TK2: variants seen among roughly 807,000 people sequenced by gnomAD.
TK2 encodes thymidine kinase 2, mitochondrial.
A neutral mutation model predicts 41.9 loss-of-function variants in TK2; 35 were observed. That is an observed-to-expected ratio of 0.84 (90% CI 0.64 to 1.11). The LOEUF (loss-of-function observed/expected upper bound fraction) is 1.11, where lower values mean the gene tolerates loss of function less well. Among genes scored for constraint, TK2 ranks in the 50% least tolerant of loss-of-function variants. The pLI, the probability that TK2 is intolerant of heterozygous loss-of-function variation, is 0.00. For synonymous variants in TK2, 128 were observed against 129.1 expected (o/e 0.99, Z 0.06); for missense variants, 320 against 351.1 (o/e 0.91, Z 0.71).
In TK2 at chr16:66,550,027, C is replaced by G; in HGVS notation, c.35G>C (p.Arg12Pro). 1.3e-6 allele frequency: 2 copies of G among 1,550,492 alleles called. 1 individual carries two copies. Among genetic ancestry groups the G allele is most frequent in the South Asian group, 2.4e-5 (2 of 84,304 alleles). Residue 12 changes from arginine (R) to proline (P), a missense_variant, in exon 1 of 10, where the codon CGG becomes CCG. Arg to Pro is a moderately radical substitution (Grantham distance 103). Transcript: ENST00000544898. ...TCCCGGCCCAAAGCAGCGCAGCGCC[C>G]GGGCGGCCCAGCCCCGCAGCGGCCA... is the stretch of plus-strand genomic sequence containing the variant. ...LLWPLRGWAA[R>P]ALRCFGPGSR... is the part of the protein sequence containing the mutation.
rs780531104 is a variant in TK2 at position 66,509,569 on chromosome 16, C to A, written c.*2399G>T. The A allele has an allele frequency of 6.6e-6, 1 of 152,212 alleles. No individual in the cohort carries two copies. Among genetic ancestry groups the A allele is most frequent in the Non-Finnish European group, 1.5e-5 (1 of 68,040 alleles). 9.4% of individuals were successfully genotyped at this position (152,212 alleles called of 1,614,324 possible). ...AAAAAGTCAGCGAGAGGTAGAGCAG[C>A]TGAGCAGCTCTGCGGTGTACTGACT... On this transcript the variant is annotated 3_prime_UTR_variant, in exon 10 of 10. Coordinates refer to ENST00000544898, the MANE Select transcript of TK2 (RefSeq NM_004614.5).
rs745375998 is a variant in TK2 at position 66,513,791 on chromosome 16, G to GT, written c.638dup (p.His213GlnfsTer5). The stretch of plus-strand genomic sequence containing the variant: ...TGATGAGCCACTCCTCATGGAGATG[G>GT]TGAATTGCTTCCAGGTATTCCTGCC... On this transcript the variant is annotated frameshift_variant, in exon 9 of 10. Transcript: ENST00000544898. LOFTEE classifies it high-confidence loss of function. 1.2e-6 allele frequency: 2 copies of GT among 1,614,020 alleles called. No individual in the cohort carries two copies. Among genetic ancestry groups the GT allele is most frequent in the Non-Finnish European group, 1.7e-6 (2 of 1,180,012 alleles).
chr16:66,528,987 A>G lies in TK2; in HGVS notation c.449+7T>C, dbSNP rs748769641. The G allele has an allele frequency of 6.2e-7, 1 of 1,613,556 alleles. No individual in the cohort carries two copies. The highest frequency in any genetic ancestry group is 2.2e-5 in the East Asian group (1 of 44,880). ...TAATAAATTATCAACTATTCAAACT[A>G]CAGTACCTTCTATACAGGTTTTCTA... On this transcript the variant is annotated splice_region_variant and intron_variant, in intron 6 of 9. Transcript: ENST00000544898.
At position 66,548,833 on chromosome 16, in the gene TK2, G is replaced by A. The variant is rs547279630; in HGVS notation, c.156+145C>T. 3.2e-5 allele frequency: 25 copies of A among 783,906 alleles called. No individual in the cohort carries two copies. The Admixed American group carries it at 5.2e-4, about 16-fold the overall frequency. 48.6% of individuals were successfully genotyped at this position (783,906 alleles called of 1,614,324 possible). A position where few individuals can be genotyped will look rare whatever the true frequency, so the allele number is the denominator to read the frequency against. On this transcript the variant is annotated intron_variant, in intron 2 of 9. Transcript: ENST00000544898. ...GTAACAGAGGTGGCCTTCTAGGAGGGTGACAGACTTCCTTCTCCCTGGAGA... is the reference window on the plus strand; with the variant it reads ...GTAACAGAGGTGGCCTTCTAGGAGGATGACAGACTTCCTTCTCCCTGGAGA...
intron 1 of TK2, chr16:66,549,368 G>T: frequency 8.8e-7 from 1 of 1,135,638 alleles, no homozygotes; most frequent in Non-Finnish European, 1.1e-6. Context: ...GGCGGACGTG[G>T]TTTTGGGCCT....
rs756027799 is a variant in TK2, at chr16:66,529,082, A to C, written c.376-15T>G. 2.5e-6 allele frequency: 4 copies of C among 1,613,278 alleles called. No individual in the cohort carries two copies. In the African/African-American group the frequency reaches 5.3e-5, roughly 21 times the overall value. On this transcript the variant is annotated splice_polypyrimidine_tract_variant and intron_variant, in intron 5 of 9. Coordinates refer to ENST00000544898, the MANE Select transcript of TK2 (RefSeq NM_004614.5). The stretch of plus-strand genomic sequence containing the variant: ...ACAGATGACACCTAAAGGAAAACAA[A>C]AAGAGAATCACTAACTCAGGGGAAA...
chr16:66,546,616 T>C (rs1379602038), intron 2 of TK2: 4 of 151,914 alleles, frequency 2.6e-5, no homozygotes, highest in East Asian at 4.0e-4. Flanking sequence ...GTTGGTTTTG[T>C]TATTTTTTTT....
chr16:66,533,746 G>A lies in TK2; in HGVS notation c.286-2277C>T, dbSNP rs193195144. ...GGATCGGCCGGGCATGGTGGCTCAC[G>A]TCTGTAATCCCAGCACTCTGGGAGG... On this transcript the variant is annotated intron_variant, in intron 4 of 9. Coordinates refer to ENST00000544898, the MANE Select transcript of TK2 (RefSeq NM_004614.5). Among the ~76,000 whole-genome samples the A allele has an allele frequency of 9.7e-4, 147 of 152,178 alleles. 2 individuals carry two copies. Among genetic ancestry groups the A allele is most frequent in the Admixed American group, 9.2e-4 (14 of 15,276 alleles).
Position 66,517,759 on chromosome 16 carries a change from A to T in TK2, c.538+30T>A, listed in dbSNP as rs1172001463. The T allele has an allele frequency of 6.2e-7, 1 of 1,604,860 alleles. No individual in the cohort carries two copies. The highest frequency in any genetic ancestry group is 1.1e-5 in the South Asian group (1 of 90,892). On this transcript the variant is annotated intron_variant, in intron 7 of 9. Transcript: ENST00000544898. The surrounding 1 kb of genome is among the most constrained non-coding windows in gnomAD (Gnocchi z 4.3). The stretch of plus-strand genomic sequence containing the variant: ...CCTCAAGGGACCCAGGAGAGAGACA[A>T]GAGAGGGAGGTGGGAGGGGTGCATC...
At chr16:66,530,897 T>C (rs1965090076) in intron 5 of TK2, among the ~76,000 whole-genome samples, 1 of 151,866 alleles carries the variant, frequency 6.6e-6, no homozygotes, top group Admixed American at 6.6e-5. Flanking sequence ...AATTTTTGTA[T>C]TTTTTAGTAG....
chr16:66,511,957 C>T lies in TK2; in HGVS notation c.*11G>A, dbSNP rs1434049865. ...GCATTTTTCAGACATGAGCCATAGA[C>T]CTTTTGCCTCCTATGGGCAATGCTT... On this transcript the variant is annotated 3_prime_UTR_variant, in exon 10 of 10. Coordinates refer to ENST00000544898, the MANE Select transcript of TK2 (RefSeq NM_004614.5). 2.5e-6 allele frequency: 4 copies of T among 1,612,902 alleles called. No individual in the cohort carries two copies. Among genetic ancestry groups the T allele is most frequent in the Non-Finnish European group, 1.7e-6 (2 of 1,178,848 alleles).
intron 8 of TK2, among the ~76,000 whole-genome samples, chr16:66,515,675 C>T (rs1964591249): frequency 6.6e-6 from 1 of 152,222 alleles, no homozygotes. Flanking sequence ...TTGGACGGCC[C>T]CCAGGCTTGG....
At position 66,531,941 on chromosome 16, in the gene TK2, A is replaced by C. The variant is rs140955217; in HGVS notation, c.286-472T>G. On this transcript the variant is annotated intron_variant, in intron 4 of 9. Transcript: ENST00000544898. Reference sequence around the variant, plus strand: ...TCATGGACATAAAGATGGCAACAATAGACACTGGGGACTCCTAGAGTGGGG... The same window carrying C: ...TCATGGACATAAAGATGGCAACAATCGACACTGGGGACTCCTAGAGTGGGG... 6.1e-3 allele frequency among the ~76,000 whole-genome samples: 926 copies of C among 152,226 alleles called. 10 individuals are homozygous for C. The highest frequency in any genetic ancestry group is 0.022 in the African/African-American group (895 of 41,512).
chr16:66,536,272 G>T (rs370280158), intron 4 of TK2, among the ~76,000 whole-genome samples: 5 of 151,694 alleles, frequency 3.3e-5, no homozygotes, highest in African/African-American at 1.2e-4. Context: ...GTGACCTCAG[G>T]CAACTTATAT....
At chr16:66,536,834 C>T in intron 4 of TK2, 130 bp downstream of exon 4, 4 of 1,126,228 alleles carry the variant, frequency 3.6e-6, no homozygotes, top group Non-Finnish European at 5.4e-6. Context: ...CTGCTTGTCC[C>T]TCCCTGGTCT....
chr16:66,522,543 T>C (rs1964811606), intron 6 of TK2, among the ~76,000 whole-genome samples: 1 of 152,230 alleles, frequency 6.6e-6, no homozygotes, highest in Admixed American at 6.5e-5. Context: ...CTTCAGCTTT[T>C]CATGCCAGCC....
chr16:66,525,387 T>C (rs887937369), intron 6 of TK2, among the ~76,000 whole-genome samples: 2 of 152,156 alleles, frequency 1.3e-5, no homozygotes, highest in Non-Finnish European at 2.9e-5. Context: ...CTTAAGAACA[T>C]ATTATGGAGG....
At chr16:66,542,404 A>C (rs1035685100) in intron 2 of TK2, among the ~76,000 whole-genome samples, 1 of 152,216 alleles carries the variant, frequency 6.6e-6, no homozygotes, top group Non-Finnish European at 1.5e-5. Flanking sequence ...CACTGACTGG[A>C]AACCATTAGG....
intron 6 of TK2, among the ~76,000 whole-genome samples, chr16:66,527,736 G>A (rs1489904980): frequency 1.1e-4 from 17 of 152,114 alleles, no homozygotes; most frequent in Admixed American, 5.9e-4. Context: ...TAGTCCTTAA[G>A]AATAACAAGG....
Sources: allele counts gnomAD v4.1 joint callset (sites outside exome capture counted in the v4.1 genomes callset), GRCh38; gene constraint gnomAD v4.1.1; non-coding constraint Gnocchi (gnomAD v3.1); transcripts MANE v1.5; gene names NCBI Gene and HGNC (gene_info 2026-07-23, HGNC 2026-07-21).